NSL1: variants seen among roughly 807,000 people sequenced by gnomAD.
NSL1 encodes the protein kinetochore-associated protein NSL1 homolog.
NSL1 carries 11 observed loss-of-function variants against 25.4 expected under a neutral mutation model. The observed-to-expected ratio is 0.43, with a 90% CI of 0.27 to 0.72. The LOEUF is 0.72. Ranked by LOEUF, NSL1 falls within the 30% of genes least tolerant of loss-of-function variation. The probability of loss-of-function intolerance (pLI) is 0.19; values close to 1 mark genes in which losing one functional copy is unlikely to be tolerated. For missense variants in NSL1, 330 were observed against 342.7 expected (o/e 0.96, Z 0.29); for synonymous variants, 118 against 120.6 (o/e 0.98, Z 0.14).
intron 4 of NSL1, chr1:212,766,322 T>G: frequency 1.9e-6 from 1 of 518,178 alleles, no homozygotes; most frequent in Non-Finnish European, 3.4e-6. Context: ...TTCAACATAG[T>G]ACTCAGCCAG....
intron 4 of NSL1, among the ~76,000 whole-genome samples, chr1:212,779,160 G>A (rs1383022091): frequency 3.3e-5 from 5 of 150,680 alleles, no homozygotes; most frequent in African/African-American, 1.2e-4. Context: ...GAGCCCCTCC[G>A]CCCGGCAACC....
chr1:212,751,248 C>A (rs1199093955), intron 4 of NSL1, among the ~76,000 whole-genome samples: 1 of 152,176 alleles, frequency 6.6e-6, no homozygotes, highest in Non-Finnish European at 1.5e-5. Flanking sequence ...CTACCTGTTC[C>A]ATGGACAGCC....
chr1:212,737,012 G>A lies in NSL1; in HGVS notation c.*1396C>T. On this transcript the variant is annotated 3_prime_UTR_variant, in exon 6 of 6. Transcript: ENST00000366977. ...GAATTTTAATACTATAAAAACATTA[G>A]CACTGTAAAAACAGCAACATATTAT... 1.0e-6 allele frequency: 1 copy of A among 984,480 alleles called. No homozygotes were observed. Among genetic ancestry groups the A allele is most frequent in the Non-Finnish European group, 1.2e-6 (1 of 829,128 alleles). The allele number at this position is 984,480 out of a possible 1,614,324, so 61.0% of individuals were successfully genotyped here. A position where few individuals can be genotyped will look rare whatever the true frequency, so the allele number is the denominator to read the frequency against.
At position 212,728,605 on chromosome 1, in the gene NSL1, A is replaced by C; in HGVS notation, c.*9803T>G. The C allele has an allele frequency of 1.0e-6, 1 of 985,460 alleles. No homozygotes were observed. Among genetic ancestry groups the C allele is most frequent in the Non-Finnish European group, 1.2e-6 (1 of 829,934 alleles). 61.0% of individuals were successfully genotyped at this position (985,460 alleles called of 1,614,324 possible). On this transcript the variant is annotated 3_prime_UTR_variant, in exon 6 of 6. Transcript: ENST00000366977. ...AAAAGGAGTTTTATGTTAGGAAAAA[A>C]ATGGTTTCTGAGAATTCTGAGGCTC...
Position 212,736,249 on chromosome 1 carries a change from G to A in NSL1, c.*2159C>T, listed in dbSNP as rs142826912. Reference sequence around the variant, plus strand: ...AATGGAGTTTCACTATGTTGCCCAGGCTGGGCTCAAGTAATCTGTCCACTT... The same window carrying A: ...AATGGAGTTTCACTATGTTGCCCAGACTGGGCTCAAGTAATCTGTCCACTT... On this transcript the variant is annotated 3_prime_UTR_variant, in exon 6 of 6. Transcript: ENST00000366977. 1.3e-6 allele frequency: 1 copy of A among 757,336 alleles called. No individual in the cohort carries two copies. Among genetic ancestry groups the A allele is most frequent in the Non-Finnish European group, 1.6e-6 (1 of 621,978 alleles). 46.9% of individuals were successfully genotyped at this position (757,336 alleles called of 1,614,324 possible). A position where few individuals can be genotyped will look rare whatever the true frequency, so the allele number is the denominator to read the frequency against.
At chr1:212,765,805 T>TA (rs202091659) in intron 4 of NSL1, among the ~76,000 whole-genome samples, 1,881 of 139,192 alleles carry the variant, frequency 0.014, 83 homozygotes, top group Admixed American at 0.096. Context: ...GCTCTGTCTT[T>TA]AAAAAAAAAA....
chr1:212,777,378 A>C (rs1281788246), intron 4 of NSL1, among the ~76,000 whole-genome samples: 1 of 152,146 alleles, frequency 6.6e-6, no homozygotes, highest in African/African-American at 2.4e-5. Context: ...CCTCAAAAAA[A>C]AAAAGGAACC....
rs1658220768 is a variant in NSL1, at chr1:212,736,070, C to T, written c.*2338G>A. On this transcript the variant is annotated 3_prime_UTR_variant, in exon 6 of 6. Coordinates refer to ENST00000366977, the MANE Select transcript of NSL1 (RefSeq NM_015471.4). ...ATTATTATTTTGAAACAGGGTCTCACTCTGTCACCCAGGCTGGAGTACAGT... is the reference window on the plus strand; with the variant it reads ...ATTATTATTTTGAAACAGGGTCTCATTCTGTCACCCAGGCTGGAGTACAGT... The T allele has an allele frequency of 1.0e-6, 1 of 982,794 alleles. No individual in the cohort carries two copies. Among genetic ancestry groups the T allele is most frequent in the African/African-American group, 1.7e-5 (1 of 57,182 alleles). The allele number at this position is 982,794 out of a possible 1,614,324, so 60.9% of individuals were successfully genotyped here. A position where few individuals can be genotyped will look rare whatever the true frequency, so the allele number is the denominator to read the frequency against.
intron 2 of NSL1, among the ~76,000 whole-genome samples, chr1:212,787,226 G>A (rs78581300): frequency 0.015 from 2,319 of 151,788 alleles, 64 homozygotes; most frequent in African/African-American, 0.054. Flanking sequence ...TCCTTTACAC[G>A]GTACTTGTAT....
In NSL1 at chr1:212,726,822, G is replaced by T. The variant is rs1313817988; in HGVS notation, c.*11586C>A. The T allele has an allele frequency of 2.5e-5, 7 of 275,108 alleles. No homozygotes were observed. Among genetic ancestry groups the T allele is most frequent in the Non-Finnish European group, 4.1e-5 (6 of 146,210 alleles). 17.0% of individuals were successfully genotyped at this position (275,108 alleles called of 1,614,324 possible). A position where few individuals can be genotyped will look rare whatever the true frequency, so the allele number is the denominator to read the frequency against. On this transcript the variant is annotated 3_prime_UTR_variant, in exon 6 of 6. Transcript: ENST00000366977. ...GGGTCCTCCCACAATCCTCCATGTG[G>T]CACGTGGGGATCTCCAAATGACTTC...
rs1342840445 is a variant in NSL1 at position 212,732,595 on chromosome 1, A to G, written c.*5813T>C. 1.0e-6 allele frequency: 1 copy of G among 984,956 alleles called. No individual in the cohort carries two copies. The highest frequency in any genetic ancestry group is 1.2e-6 in the Non-Finnish European group (1 of 829,568). The allele number at this position is 984,956 out of a possible 1,614,324, so 61.0% of individuals were successfully genotyped here. A position where few individuals can be genotyped will look rare whatever the true frequency, so the allele number is the denominator to read the frequency against. ...AGGTGTGAGCCACCGCACCCGGCCTACATAGTCTTATTCCAACCTGGTCTG... is the reference window on the plus strand; with the variant it reads ...AGGTGTGAGCCACCGCACCCGGCCTGCATAGTCTTATTCCAACCTGGTCTG... On this transcript the variant is annotated 3_prime_UTR_variant, in exon 6 of 6. Coordinates refer to ENST00000366977, the MANE Select transcript of NSL1 (RefSeq NM_015471.4).
At position 212,784,416 on chromosome 1, in the gene NSL1, TG is replaced by T; in HGVS notation, c.390del (p.Arg131GlufsTer11). 1 of 1,600,658 alleles carries T rather than the reference TG, an allele frequency of 6.2e-7. No individual in the cohort carries two copies. The highest frequency in any genetic ancestry group is 8.5e-7 in the Non-Finnish European group (1 of 1,170,764). ...TTGATGACACATTCCAGGATCTTTC[TG>T]GGATACTGCTTACGTTTTGTGGCTA... ...VDIATKRKQYPRKILECVIKT... is the reference protein window; with the variant it reads ...VDIATKRKQYXRKILECVIKT... On this transcript the variant is annotated frameshift_variant, in exon 3 of 6. Transcript: ENST00000366977. LOFTEE classifies it high-confidence loss of function.
intron 4 of NSL1, among the ~76,000 whole-genome samples, chr1:212,764,524 A>G (rs530647861): frequency 2.6e-5 from 4 of 152,306 alleles, no homozygotes; most frequent in South Asian, 2.1e-4. Context: ...TTGATAGACC[A>G]TTAGTGAGAT....
chr1:212,741,956 G>A (rs1236601736), intron 4 of NSL1, among the ~76,000 whole-genome samples: 4 of 152,000 alleles, frequency 2.6e-5, no homozygotes, highest in Non-Finnish European at 5.9e-5. Flanking sequence ...CTCCCACTGG[G>A]TCCTGCACAG....
chr1:212,781,151 T>C (rs1043079017), intron 4 of NSL1, among the ~76,000 whole-genome samples: 47 of 152,216 alleles, frequency 3.1e-4, no homozygotes, highest in African/African-American at 1.0e-3. Flanking sequence ...ATTCTTTTGC[T>C]TACTTTTGAA....
chr1:212,765,961 C>G (rs1659787556), intron 4 of NSL1, among the ~76,000 whole-genome samples: 1 of 151,702 alleles, frequency 6.6e-6, no homozygotes, highest in African/African-American at 2.4e-5. Context: ...ACGGTGAAAC[C>G]CTGTCTCTAC....
chr1:212,732,583 C>G lies in NSL1; in HGVS notation c.*5825G>C, dbSNP rs923776650. The G allele has an allele frequency of 4.1e-6, 4 of 982,912 alleles. No individual in the cohort carries two copies. The highest frequency in any genetic ancestry group is 4.8e-6 in the Non-Finnish European group (4 of 827,726). The allele number at this position is 982,912 out of a possible 1,614,324, so 60.9% of individuals were successfully genotyped here. A position where few individuals can be genotyped will look rare whatever the true frequency, so the allele number is the denominator to read the frequency against. On this transcript the variant is annotated 3_prime_UTR_variant, in exon 6 of 6. Transcript: ENST00000366977. ...TGCTGGGATTACAGGTGTGAGCCAC[C>G]GCACCCGGCCTACATAGTCTTATTC...
At chr1:212,762,069 G>A (rs1299376636) in intron 4 of NSL1, among the ~76,000 whole-genome samples, 1 of 151,948 alleles carries the variant, frequency 6.6e-6, no homozygotes, top group Non-Finnish European at 1.5e-5. Context: ...AGACTGAGGT[G>A]GGTGGATCAC....
rs756573539 is a variant in NSL1, at chr1:212,738,540, C to A, written c.714G>T (p.Gln238His). The change falls in exon 6 of 6, where the codon CAG (glutamine) becomes CAT (histidine). Residue 238 changes from glutamine to histidine, a missense_variant. Physicochemically the swap from Gln to His is conservative, Grantham distance 24. Coordinates refer to ENST00000366977, the MANE Select transcript of NSL1 (RefSeq NM_015471.4). ...CAGTCTCTGTTGGTGTGGTTTCTAT[C>A]TGTGTTATAAAGTTCTCAGGTTTAG... ...PDAKPENFIT[Q>H]IETTPTETAS... is the part of the protein sequence containing the mutation. 2 of 1,614,100 alleles carry A rather than the reference C, an allele frequency of 1.2e-6. No homozygotes were observed. Among genetic ancestry groups the A allele is most frequent in the Non-Finnish European group, 1.7e-6 (2 of 1,180,020 alleles).
Sources: gnomAD v4.1 joint callset for allele counts (sites outside exome capture counted in the v4.1 genomes callset) on GRCh38, gnomAD v4.1.1 for gene constraint, MANE v1.5 for transcripts, NCBI Gene and HGNC (gene_info 2026-07-23, HGNC 2026-07-21) for gene names.